The following ITGA4 variants were observed in gnomAD, a reference collection of about 807,000 sequenced individuals.
ITGA4 encodes the protein integrin alpha-4.
In ITGA4, 63 loss-of-function variants were observed where a neutral mutation model predicts 133.6. That is an observed-to-expected ratio of 0.47 (90% CI 0.38 to 0.58). ITGA4 has a LOEUF of 0.58. Among genes scored for constraint, ITGA4 ranks in the 20% least tolerant of loss-of-function variants. ITGA4 has a pLI of 0.00. For synonymous variants in ITGA4, 483 were observed against 438.0 expected (o/e 1.10, Z -1.28); for missense variants, 1,076 against 1,252.7 (o/e 0.86, Z 2.13).
intron 21 of ITGA4, among the ~76,000 whole-genome samples, chr2:181,525,577 C>T (rs774514513): frequency 2.0e-5 from 3 of 152,182 alleles, no homozygotes; most frequent in East Asian, 1.9e-4. Context: ...TTCAGCTGTG[C>T]ACTGTGTAAT....
intron 18 of ITGA4, among the ~76,000 whole-genome samples, chr2:181,522,826 C>T (rs998585866): frequency 4.6e-5 from 7 of 152,164 alleles, no homozygotes; most frequent in Non-Finnish European, 8.8e-5. Context: ...TATCTGTTAC[C>T]TTCTTTCTCT....
intron 11 of ITGA4, among the ~76,000 whole-genome samples, chr2:181,493,849 A>G (rs530023644): frequency 6.6e-6 from 1 of 152,286 alleles, no homozygotes; most frequent in East Asian, 1.9e-4. Context: ...GAGTAGTAAG[A>G]TGATAGCACT....
chr2:181,535,324 T>C (rs898339795), intron 27 of ITGA4, 108 bp from the exon 28 acceptor site: 8 of 806,900 alleles, frequency 9.9e-6, no homozygotes, highest in African/African-American at 6.9e-5. Context: ...TTACAAGGGA[T>C]GCAGTTTAAG....
intron 17 of ITGA4, among the ~76,000 whole-genome samples, chr2:181,513,025 C>G (rs1686535255): frequency 6.6e-6 from 1 of 152,094 alleles, no homozygotes; most frequent in South Asian, 2.1e-4. Context: ...AAGCATTTCA[C>G]TGTTCACTTC....
intron 2 of ITGA4, among the ~76,000 whole-genome samples, chr2:181,461,909 G>A (rs1045963706): frequency 6.6e-6 from 1 of 152,036 alleles, no homozygotes; most frequent in Non-Finnish European, 1.5e-5. Context: ...TGAATACTTA[G>A]TATAAGAAAA....
rs200862994 is a variant in ITGA4, at chr2:181,530,646, A to G, written c.2661A>G (p.Leu887=). 10 of 1,609,028 alleles carry G rather than the reference A, an allele frequency of 6.2e-6. No homozygotes were observed. Among genetic ancestry groups the G allele is most frequent in the Middle Eastern group, 3.3e-4 (2 of 6,058 alleles). ...VRFLSKTDKR[L]LYCIKADPHC... ...TCTTGTCCAAGACTGATAAGAGGCTATTGGTAAGTTTCAGTTTTTCAGGTT... is the reference window on the plus strand; with the variant it reads ...TCTTGTCCAAGACTGATAAGAGGCTGTTGGTAAGTTTCAGTTTTTCAGGTT... Residue 887 remains leucine (L), a synonymous_variant, in exon 24 of 28, where the codon CTA becomes CTG. Transcript: ENST00000397033.
At chr2:181,497,876 C>CT (rs984702185) in intron 14 of ITGA4, among the ~76,000 whole-genome samples, 125 of 147,642 alleles carry the variant, frequency 8.5e-4, no homozygotes, top group Middle Eastern at 3.5e-3. Context: ...TTCTTTTTTC[C>CT]TTTTTTTTTT....
At chr2:181,491,837 AG>A (rs1171088135) in intron 10 of ITGA4, among the ~76,000 whole-genome samples, 1 of 152,108 alleles carries the variant, frequency 6.6e-6, no homozygotes, top group Non-Finnish European at 1.5e-5. Flanking sequence ...ATCTGACTCC[AG>A]TTATTCCAAA....
Position 181,485,895 on chromosome 2 carries a change from T to A in ITGA4, c.1056T>A (p.Asn352Lys). Residue 352 changes from asparagine to lysine, a missense_variant, in exon 10 of 28, where the codon AAT becomes AAA. Physicochemically the swap from Asn to Lys is moderately conservative, Grantham distance 94 (BLOSUM62 0). Around this residue, in one of 4 missense-constraint regions of ITGA4, gnomAD observed 436 missense variants for 590.7 expected, o/e 0.74. Coordinates refer to ENST00000397033, the MANE Select transcript of ITGA4 (RefSeq NM_000885.6). ...TTTCTATCTAGGGAGCAGTAATGAA[T>A]GCAATGGAAACAAACCTCGTTGGAA... ...YINSGSGAVM[N>K]AMETNLVGSD... 6.2e-7 allele frequency: 1 copy of A among 1,604,644 alleles called. No homozygotes were observed.
intron 2 of ITGA4, among the ~76,000 whole-genome samples, chr2:181,474,324 G>A (rs1035868494): frequency 6.6e-6 from 1 of 152,138 alleles, no homozygotes; most frequent in East Asian, 1.9e-4. Flanking sequence ...ATCTATTGAA[G>A]TTTTTTGTTT....
rs1230451048 is a variant in ITGA4 at position 181,537,165 on chromosome 2, C to CAGGAGAACATCTAGGATCATAGATGA, written c.*1640_*1665dup. On this transcript the variant is annotated 3_prime_UTR_variant, in exon 28 of 28. Transcript: ENST00000397033. Reference sequence around the variant, plus strand: ...GTTATAAAAAGGCTAGTCATTCTTTCAGGAGAACATCTAGGATCATAGATG... The same window carrying CAGGAGAACATCTAGGATCATAGATGA: ...GTTATAAAAAGGCTAGTCATTCTTTCAGGAGAACATCTAGGATCATAGATGAAGGAGAACATCTAGGATCATAGATG... The CAGGAGAACATCTAGGATCATAGATGA allele has an allele frequency of 4.4e-6, 2 of 453,884 alleles. No homozygotes were observed. The highest frequency in any genetic ancestry group is 4.7e-5 in the Admixed American group (2 of 42,542). The allele number at this position is 453,884 out of a possible 1,614,324, so 28.1% of individuals were successfully genotyped here. A position where few individuals can be genotyped will look rare whatever the true frequency, so the allele number is the denominator to read the frequency against.
At chr2:181,468,018 G>A (rs1284900101) in intron 2 of ITGA4, among the ~76,000 whole-genome samples, 1 of 152,164 alleles carries the variant, frequency 6.6e-6, no homozygotes, top group Non-Finnish European at 1.5e-5. Flanking sequence ...AGCTTAATAT[G>A]CTTACATTAA....
At chr2:181,477,965 G>T (rs1295082886) in intron 4 of ITGA4, among the ~76,000 whole-genome samples, 2 of 152,064 alleles carry the variant, frequency 1.3e-5, no homozygotes, top group Non-Finnish European at 2.9e-5. Flanking sequence ...ACAGATGAAT[G>T]AATGGATAAG....
intron 17 of ITGA4, among the ~76,000 whole-genome samples, chr2:181,514,385 T>A (rs977252716): frequency 4.3e-4 from 65 of 152,078 alleles, no homozygotes; most frequent in Non-Finnish European, 3.5e-4. Flanking sequence ...TTAGGCAATG[T>A]CAGTTTAGCC....
chr2:181,517,943 T>C (rs1365692857), intron 17 of ITGA4, among the ~76,000 whole-genome samples: 2 of 152,078 alleles, frequency 1.3e-5, no homozygotes, highest in Non-Finnish European at 2.9e-5. Flanking sequence ...TATAAATGTC[T>C]ATTTCTGGGC....
At chr2:181,474,704 T>C (rs1244110847) in intron 2 of ITGA4, among the ~76,000 whole-genome samples, 1 of 152,246 alleles carries the variant, frequency 6.6e-6, no homozygotes, top group Non-Finnish European at 1.5e-5. Context: ...CTCCTAGTCC[T>C]GTTAGCTATC....
At chr2:181,463,888 A>C (rs1464368984) in intron 2 of ITGA4, among the ~76,000 whole-genome samples, 1 of 152,164 alleles carries the variant, frequency 6.6e-6, no homozygotes, top group Non-Finnish European at 1.5e-5. Context: ...GGATTCCTAC[A>C]GTTCGAGAAG....
At chr2:181,475,715 T>G in intron 4 of ITGA4, 1 of 1,422,246 alleles carries the variant, frequency 7.0e-7, no homozygotes, top group Non-Finnish European at 9.4e-7. Context: ...AATCTTTCAT[T>G]CGCACTCACT....
At chr2:181,507,523 CT>C (rs1686418114) in intron 15 of ITGA4, among the ~76,000 whole-genome samples, 1 of 151,942 alleles carries the variant, frequency 6.6e-6, no homozygotes, top group Non-Finnish European at 1.5e-5. Context: ...TATATGCTAC[CT>C]GATTTTCATA....
Sources: gnomAD v4.1 joint callset for allele counts (sites outside exome capture counted in the v4.1 genomes callset) on GRCh38, gnomAD v4.1.1 for gene constraint, gnomAD v4.1.1 regional missense constraint, MANE v1.5 for transcripts, NCBI Gene and HGNC (gene_info 2026-07-23, HGNC 2026-07-21) for gene names.